The following ERAP1 variants were observed in gnomAD, a reference collection of about 807,000 sequenced individuals.
ERAP1 encodes the protein endoplasmic reticulum aminopeptidase 1.
Under a neutral mutation model 103.7 loss-of-function variants are expected in ERAP1, and 86 were observed. That is an observed-to-expected ratio of 0.83 (90% CI 0.70 to 0.99). The LOEUF (loss-of-function observed/expected upper bound fraction) is 0.99, where lower values mean the gene tolerates loss of function less well. Ranked by LOEUF, ERAP1 falls within the 50% of genes least tolerant of loss-of-function variation. The probability of loss-of-function intolerance (pLI) is 0.00; values close to 1 mark genes in which losing one functional copy is unlikely to be tolerated. For missense variants in ERAP1, 1,009 were observed against 1,128.4 expected, an observed-to-expected ratio of 0.89 and a Z score of 1.52; for synonymous variants, 398 against 402.4, an observed-to-expected ratio of 0.99 and a Z score of 0.13.
upstream of ERAP1, among the ~76,000 whole-genome samples, chr5:96,811,958 C>G (rs1779180712): frequency 6.6e-6 from 1 of 152,222 alleles, no homozygotes; most frequent in Admixed American, 6.5e-5. Context: ...TCTAACTGCT[C>G]TCTAGCCAGT....
the ERAP1 span, among the ~76,000 whole-genome samples, chr5:96,860,375 G>T: frequency 1.3e-5 from 2 of 152,048 alleles, no homozygotes; most frequent in African/African-American, 4.8e-5. Context: ...TTTATAATGA[G>T]AATGTGTTTC....
rs142305981 is a variant in ERAP1, at chr5:96,788,597, C to G, written c.1613G>C (p.Arg538Thr). The change falls in exon 11 of 19, where the codon AGG (arginine) becomes ACG (threonine). Residue 538 changes from arginine (R) to threonine (T), a missense_variant. Physicochemically the swap from Arg to Thr is moderately conservative, Grantham distance 71. Coordinates refer to ENST00000443439, the MANE Select transcript of ERAP1 (RefSeq NM_001040458.3). ...KGFPLITITV[R>T]GRNVHMKQEH... ...TTGCTTCATGTGTACATTCCTCCCC[C>G]TCACTGTGATGGTTATTAGGGGAAA... 1.1e-5 allele frequency: 17 copies of G among 1,614,202 alleles called. No individual in the cohort carries two copies. Among genetic ancestry groups the G allele is most frequent in the East Asian group, 6.7e-5 (3 of 44,890 alleles).
At chr5:96,806,472 T>A (rs1269778174) in intron 1 of ERAP1, among the ~76,000 whole-genome samples, 2 of 152,152 alleles carry the variant, frequency 1.3e-5, no homozygotes, top group Non-Finnish European at 2.9e-5. Flanking sequence ...ATGCTCACTC[T>A]CTCTAATAGC....
At chr5:96,770,505 G>A (rs368308809), downstream of ERAP1, 23 of 1,528,302 alleles carry the variant, frequency 1.5e-5, no homozygotes, top group East Asian at 5.0e-4. Flanking sequence ...GATAGCCATA[G>A]CCTCATTACA....
At chr5:96,777,603 C>G (rs1581524876) in intron 18 of ERAP1, among the ~76,000 whole-genome samples, 2 of 146,406 alleles carry the variant, frequency 1.4e-5, no homozygotes, top group South Asian at 2.3e-4. Context: ...ACACTTCACT[C>G]TCTACTTTAA....
the ERAP1 span, chr5:96,896,960 C>CCACATAAGT: frequency 2.0e-6 from 2 of 1,010,164 alleles, no homozygotes; most frequent in Non-Finnish European, 2.7e-6. Flanking sequence ...TGTCAGTCAA[C>CCACATAAGT]CATATTTATT....
Position 96,807,889 on chromosome 5 carries a change from C to A in ERAP1, c.-47G>T, listed in dbSNP as rs1019543114. 43 of 986,300 alleles carry A rather than the reference C, an allele frequency of 4.4e-5. 1 individual carries two copies. The highest frequency in any genetic ancestry group is 5.1e-5 in the Non-Finnish European group (42 of 830,678). 61.1% of individuals were successfully genotyped at this position (986,300 alleles called of 1,614,324 possible). A position where few individuals can be genotyped will look rare whatever the true frequency, so the allele number is the denominator to read the frequency against. ...GGTTCTGGGGCCGCCCTCACCCTTG[C>A]GCCGCCGCCACCACCACTGCCGCCG... On this transcript the variant is annotated 5_prime_UTR_variant, in exon 1 of 19. Coordinates refer to ENST00000443439, the MANE Select transcript of ERAP1 (RefSeq NM_001040458.3).
chr5:96,860,003 T>C, the ERAP1 span, among the ~76,000 whole-genome samples: 3 of 152,178 alleles, frequency 2.0e-5, no homozygotes, highest in Non-Finnish European at 2.9e-5. Flanking sequence ...TAACATCATA[T>C]TGAGATAAAG....
rs1300725807 is a variant in ERAP1, at chr5:96,774,627, C to CATGTTTCATTA, written c.*1758_*1768dup. ...GACCAAAACTGAAAATCAATATTTC[C>CATGTTTCATTA]ATGTTTCATTAATCAAGGCATAAAA... On this transcript the variant is annotated 3_prime_UTR_variant, in exon 19 of 19. Transcript: ENST00000443439. 8 of 985,168 alleles carry CATGTTTCATTA rather than the reference C, an allele frequency of 8.1e-6. No individual in the cohort carries two copies. The highest frequency in any genetic ancestry group is 8.4e-6 in the Non-Finnish European group (7 of 829,788). The allele number at this position is 985,168 out of a possible 1,614,324, so 61.0% of individuals were successfully genotyped here.
rs145825678 is a variant in ERAP1 at position 96,803,756 on chromosome 5, G to A, written c.171C>T (p.Tyr57=). The change falls in exon 2 of 19, where the codon TAC becomes TAT. Residue 57 remains tyrosine (Y), a synonymous_variant. Coordinates refer to ENST00000443439, the MANE Select transcript of ERAP1 (RefSeq NM_001040458.3). ...AGAGATCATAATGAACTGGGATGAC[G>A]TACTCAGGAAGTCGTATTTTATTCC... ...FPWNKIRLPE[Y]VIPVHYDLLI... is the part of the protein sequence containing the mutation. The A allele has an allele frequency of 1.5e-3, 2,384 of 1,613,614 alleles. 20 individuals are homozygous for A. The Middle Eastern group carries it at 0.017, about 12-fold the overall frequency.
chr5:96,822,979 G>C, the ERAP1 span: 120 of 451,180 alleles, frequency 2.7e-4, 1 homozygote, highest in African/African-American at 2.2e-3. Flanking sequence ...GTCTCACTCA[G>C]GTTGTTGGCA....
chr5:96,794,103 A>G (rs1417072736), intron 5 of ERAP1, 146 bp from the exon 6 acceptor site: 5 of 764,932 alleles, frequency 6.5e-6, no homozygotes, highest in Non-Finnish European at 1.1e-5. Flanking sequence ...CACAATGGAG[A>G]AAAAGAGGCT....
chr5:96,844,852 C>T, the ERAP1 span, among the ~76,000 whole-genome samples: 1 of 152,146 alleles, frequency 6.6e-6, no homozygotes, highest in Non-Finnish European at 1.5e-5. Flanking sequence ...AATATGGAAG[C>T]TAGGGTTGTT....
intron 7 of ERAP1, 25 bp downstream of exon 7, chr5:96,793,375 A>G (rs372059653): frequency 1.3e-6 from 2 of 1,490,450 alleles, no homozygotes; most frequent in Non-Finnish European, 1.9e-6. Flanking sequence ...TTAACCTCAA[A>G]TGTGAAGGAT....
At chr5:96,850,390 A>T in the ERAP1 span, among the ~76,000 whole-genome samples, 1 of 152,202 alleles carries the variant, frequency 6.6e-6, no homozygotes, top group Non-Finnish European at 1.5e-5. Context: ...GCTGCTCAAT[A>T]ATAAGAAAAC....
Position 96,766,050 on chromosome 5 carries a change from T to A in ERAP1, c.2819-2822A>T, listed in dbSNP as rs750205580. On this transcript the variant is annotated intron_variant, in intron 19 of 19. Transcript: ENST00000296754. ...TAATTCTATCTGCTCACTGTTGATA[T>A]AGGAAAAAGCTAAAGCTGAACATAG... The A allele has an allele frequency of 2.6e-6, 4 of 1,557,752 alleles. No homozygotes were observed. In the South Asian group the frequency reaches 4.5e-5, roughly 17 times the overall value.
chr5:96,817,964 AGATGCTGAGT>A, the ERAP1 span, among the ~76,000 whole-genome samples: 2 of 152,234 alleles, frequency 1.3e-5, no homozygotes, highest in African/African-American at 2.4e-5. Context: ...CGTTTGGAAG[AGATGCTGAGT>A]GAGCCAGTCC....
At chr5:96,913,295 C>A in the ERAP1 span, 3 of 1,603,280 alleles carry the variant, frequency 1.9e-6, no homozygotes, top group Non-Finnish European at 2.6e-6. Flanking sequence ...TATTTAGAAA[C>A]AAATTATTTT....
Position 96,774,506 on chromosome 5 carries a change from TA to T in ERAP1, c.*1889del. Reference sequence around the variant, plus strand: ...CACTTAGAGGCAAAGAACAATTTTTTATTATCAAAAAGGTTTCTGCACATTG... The same window carrying T: ...CACTTAGAGGCAAAGAACAATTTTTTTTATCAAAAAGGTTTCTGCACATTG... On this transcript the variant is annotated 3_prime_UTR_variant, in exon 19 of 19. Transcript: ENST00000443439. 9.1e-6 allele frequency: 9 copies of T among 984,094 alleles called. No homozygotes were observed. The highest frequency in any genetic ancestry group is 1.1e-5 in the Non-Finnish European group (9 of 827,408). 61.0% of individuals were successfully genotyped at this position (984,094 alleles called of 1,614,324 possible). A position where few individuals can be genotyped will look rare whatever the true frequency, so the allele number is the denominator to read the frequency against.
Sources: allele counts gnomAD v4.1 joint callset (sites outside exome capture counted in the v4.1 genomes callset), GRCh38; gene constraint gnomAD v4.1.1; transcripts MANE v1.5; gene names NCBI Gene and HGNC (gene_info 2026-07-23, HGNC 2026-07-21).